The following OAS2 variants were observed in gnomAD, a reference collection of about 807,000 sequenced individuals.
OAS2 encodes 2'-5'-oligoadenylate synthase 2.
A neutral mutation model predicts 71.3 loss-of-function variants in OAS2; 67 were observed. The ratio of observed to expected loss-of-function variants is 0.94; its 90% CI spans 0.77 to 1.15. The LOEUF is 1.15. Ranked by LOEUF, OAS2 falls within the 50% of genes most tolerant of loss-of-function variation. The pLI, the probability that OAS2 is intolerant of heterozygous loss-of-function variation, is 0.00. For synonymous variants in OAS2, 327 were observed against 321.8 expected (o/e 1.02, Z -0.17); for missense variants, 789 against 822.5 (o/e 0.96, Z 0.50).
Position 113,004,873 on chromosome 12 carries a change from C to T in OAS2, c.1180-61C>T, listed in dbSNP as rs45472293. ...AGTTAGCCCAACTGGTGCCAGCCCA[C>T]GGGGGCACGGGACTCCTCGGTTAAG... On this transcript the variant is annotated intron_variant, in intron 6 of 9. Coordinates refer to ENST00000392583, the MANE Select transcript of OAS2 (RefSeq NM_002535.3). 1,554 of 1,563,764 alleles carry T rather than the reference C, an allele frequency of 9.9e-4. 17 individuals are homozygous for T. In the African/African-American group the frequency reaches 0.018, roughly 18 times the overall value.
chr12:113,009,875 A>G lies in OAS2; in HGVS notation c.*620A>G. 1 of 986,914 alleles carries G rather than the reference A, an allele frequency of 1.0e-6. No homozygotes were observed. The highest frequency in any genetic ancestry group is 1.2e-6 in the Non-Finnish European group (1 of 831,094). The allele number at this position is 986,914 out of a possible 1,614,324, so 61.1% of individuals were successfully genotyped here. On this transcript the variant is annotated 3_prime_UTR_variant, in exon 10 of 10. Transcript: ENST00000392583. Reference sequence around the variant, plus strand: ...CAAAGCCCTCCCTACCTACCAAGATATACCTGATATATTCCACCAGGATAT... The same window carrying G: ...CAAAGCCCTCCCTACCTACCAAGATGTACCTGATATATTCCACCAGGATAT...
chr12:112,978,891 T>A lies in OAS2; in HGVS notation c.177+106T>A. The A allele has an allele frequency of 1.9e-6, 2 of 1,066,636 alleles. No individual in the cohort carries two copies. The highest frequency in any genetic ancestry group is 2.7e-6 in the Non-Finnish European group (2 of 745,748). 66.1% of individuals were successfully genotyped at this position (1,066,636 alleles called of 1,614,324 possible). ...TGCCTATTATGTGCGAGGCCCACAC[T>A]TGGGTGGGATGTGGTGTAGGAGTCT... On this transcript the variant is annotated intron_variant, in intron 1 of 9. Coordinates refer to ENST00000392583, the MANE Select transcript of OAS2 (RefSeq NM_002535.3). The surrounding 1 kb of genome is among the most constrained non-coding windows in gnomAD (Gnocchi z 4.2).
chr12:113,007,618 GACTCA>G, intron 8 of OAS2, 82 bp from the exon 9 acceptor site: 1 of 1,057,376 alleles, frequency 9.5e-7, no homozygotes, highest in Non-Finnish European at 1.4e-6. Context: ...ACGACACTGT[GACTCA>G]GTTGCCTTGC....
At chr12:112,982,545 C>T (rs370274684) in intron 1 of OAS2, among the ~76,000 whole-genome samples, 3 of 151,824 alleles carry the variant, frequency 2.0e-5, no homozygotes, top group South Asian at 4.2e-4. Flanking sequence ...CATGTGTTAT[C>T]TTTTCGAAGT....
chr12:112,978,629 G>A lies in OAS2; in HGVS notation c.21G>A (p.Gln7=), dbSNP rs2044050000. The A allele has an allele frequency of 6.2e-7, 1 of 1,614,116 alleles. No homozygotes were observed. ...GAGCAATGGGAAATGGGGAGTCCCA[G>A]CTGTCCTCGGTGCCTGCTCAGAAGC... MGNGES[Q]LSSVPAQKLG... The change falls in exon 1 of 10, where the codon CAG becomes CAA. Residue 7 remains glutamine (Q), a synonymous_variant. Transcript: ENST00000392583. This position sits in a 1 kb window ranked among gnomAD's most constrained non-coding sequence, Gnocchi z 4.2.
At chr12:112,994,826 C>T (rs977709817) in intron 2 of OAS2, among the ~76,000 whole-genome samples, 3 of 152,156 alleles carry the variant, frequency 2.0e-5, no homozygotes, top group African/African-American at 7.2e-5. Context: ...TGCCACCTTG[C>T]CTGCCTCCTC....
intron 2 of OAS2, among the ~76,000 whole-genome samples, chr12:112,992,822 C>T (rs1033639073): frequency 3.9e-4 from 60 of 152,078 alleles, no homozygotes; most frequent in African/African-American, 1.3e-3. Context: ...GGGTGGGGGC[C>T]TGCTTCAAAC....
rs1237683187 is a variant in OAS2, at chr12:112,995,413, T to C, written c.566T>C (p.Phe189Ser). ...VCFTELQQKF[F>S]DNRPGKLKDL... ...TTCACTGAACTCCAGCAGAAGTTTT[T>C]TGACAACCGTCCTGGAAAACTAAAG... Residue 189 changes from phenylalanine (F) to serine (S), a missense_variant, in exon 3 of 10, where the codon TTT becomes TCT. Phe to Ser is a radical substitution (Grantham distance 155). Transcript: ENST00000392583. The C allele has an allele frequency of 6.2e-7, 1 of 1,614,188 alleles. No individual in the cohort carries two copies. The highest frequency in any genetic ancestry group is 1.3e-5 in the African/African-American group (1 of 75,048).
Position 112,985,256 on chromosome 12 carries a change from C to A in OAS2, c.178-1782C>A, listed in dbSNP as rs369144571. Among the ~76,000 whole-genome samples, 61 of 152,170 alleles carry A rather than the reference C, an allele frequency of 4.0e-4. 1 individual carries two copies. In the South Asian group the frequency reaches 0.013, roughly 32 times the overall value. ...TAAATAGATTTTCTATGCCTTTGCCCATCTCTTCTCCTAGATCTTTCCAAA... is the reference window on the plus strand; with the variant it reads ...TAAATAGATTTTCTATGCCTTTGCCAATCTCTTCTCCTAGATCTTTCCAAA... On this transcript the variant is annotated intron_variant, in intron 1 of 9. Coordinates refer to ENST00000392583, the MANE Select transcript of OAS2 (RefSeq NM_002535.3).
Position 113,007,704 on chromosome 12 carries a change from G to A in OAS2, c.1657-1G>A, listed in dbSNP as rs2044346567. On this transcript the variant is annotated splice_acceptor_variant, in intron 8 of 9. Transcript: ENST00000392583. LOFTEE classifies it high-confidence loss of function. ...CGTCTGATGTTCCCACTCTTACCTA[G>A]TGTGAAAGGAAACTGAAGCCAAAGG... The A allele has an allele frequency of 6.2e-7, 1 of 1,613,396 alleles. No individual in the cohort carries two copies.
In OAS2 at chr12:113,001,355, TA is replaced by T. The variant is rs1283119479; in HGVS notation, c.1009-1576del. ...TTACTTTTGCACCAACCAAAAAATA[TA>T]TATATACATATATATACACACACAC... On this transcript the variant is annotated intron_variant, in intron 5 of 9. Coordinates refer to ENST00000392583, the MANE Select transcript of OAS2 (RefSeq NM_002535.3). Among the ~76,000 whole-genome samples, 14 of 120,076 alleles carry T rather than the reference TA, an allele frequency of 1.2e-4. 1 individual carries two copies. In the Admixed American group the frequency reaches 1.3e-3, roughly 11 times the overall value. 78.8% of individuals were successfully genotyped at this position (120,076 alleles called of 152,430 possible).
In OAS2 at chr12:113,005,215, T is replaced by C. The variant is rs758633894; in HGVS notation, c.1461T>C (p.Asn487=). 11 of 1,613,412 alleles carry C rather than the reference T, an allele frequency of 6.8e-6. No homozygotes were observed. The highest frequency in any genetic ancestry group is 7.6e-6 in the Non-Finnish European group (9 of 1,179,558). The change falls in exon 7 of 10, where the codon AAT becomes AAC. Residue 487 remains asparagine, a synonymous_variant. Transcript: ENST00000392583. ...GCTTTGATGTGCTTCCTGCCTTTAA[T>C]GCACTGGGTAAGGCTCCCCAGACCT... ...SVSFDVLPAF[N]ALGQLSSGST...
Position 112,987,028 on chromosome 12 carries a change from T to A in OAS2, c.178-10T>A. On this transcript the variant is annotated splice_polypyrimidine_tract_variant and intron_variant, in intron 1 of 9. Coordinates refer to ENST00000392583, the MANE Select transcript of OAS2 (RefSeq NM_002535.3). ...CTAGTGTCTCATATCTGCTTCTTTG[T>A]CACTGGCAGGGTGGCTCCTATGGAC... 6.3e-7 allele frequency: 1 copy of A among 1,599,428 alleles called. No homozygotes were observed. Among genetic ancestry groups the A allele is most frequent in the Non-Finnish European group, 8.5e-7 (1 of 1,170,490 alleles).
intron 2 of OAS2, chr12:112,988,659 C>G (rs2044162993): frequency 1.0e-6 from 1 of 985,324 alleles, no homozygotes; most frequent in Non-Finnish European, 1.2e-6. Flanking sequence ...GTGAGCACAT[C>G]TGCACATTCC....
rs753513736 is a variant in OAS2, at chr12:113,004,920, C to T, written c.1180-14C>T. ...TAAGGAAATTCTGGATCTCAACCTT[C>T]CTTTCTTCCTTAGGGAGGATCAACC... On this transcript the variant is annotated splice_polypyrimidine_tract_variant and intron_variant, in intron 6 of 9. Transcript: ENST00000392583. 6.2e-7 allele frequency: 1 copy of T among 1,611,006 alleles called. No homozygotes were observed. The highest frequency in any genetic ancestry group is 8.5e-7 in the Non-Finnish European group (1 of 1,177,682).
intron 5 of OAS2, among the ~76,000 whole-genome samples, chr12:112,999,275 T>A (rs2136388889): frequency 6.6e-6 from 1 of 152,258 alleles, no homozygotes; most frequent in Middle Eastern, 3.4e-3. Context: ...AGTAAATCTG[T>A]CAACACAAAC....
intron 2 of OAS2, among the ~76,000 whole-genome samples, chr12:112,990,047 C>A (rs1161658971): frequency 6.6e-6 from 1 of 152,200 alleles, no homozygotes; most frequent in African/African-American, 2.4e-5. Flanking sequence ...CTCACTCCAC[C>A]CTGCAGCTGG....
intron 2 of OAS2, among the ~76,000 whole-genome samples, chr12:112,992,076 A>G (rs2044197433): frequency 6.7e-6 from 1 of 148,980 alleles, no homozygotes; most frequent in Non-Finnish European, 1.5e-5. Flanking sequence ...AGTCTCAAGT[A>G]CAGGTGCACA....
chr12:113,009,208 A>G lies in OAS2; in HGVS notation c.2017A>G (p.Thr673Ala), dbSNP rs1428681924. ...ATCCTCTCCCTGCTTCAAGGATGGGACTGGAAACCCAATACCACCTTGGAA... is the reference window on the plus strand; with the variant it reads ...ATCCTCTCCCTGCTTCAAGGATGGGGCTGGAAACCCAATACCACCTTGGAA... ...WLSSPCFKDG[T>A]GNPIPPWKVP... The change falls in exon 10 of 10, where the codon ACT becomes GCT. Residue 673 changes from threonine (T) to alanine (A), a missense_variant. Coordinates refer to ENST00000392583, the MANE Select transcript of OAS2 (RefSeq NM_002535.3). 4 of 1,614,034 alleles carry G rather than the reference A, an allele frequency of 2.5e-6. No individual in the cohort carries two copies. The highest frequency in any genetic ancestry group is 2.5e-6 in the Non-Finnish European group (3 of 1,180,012).
Sources: gnomAD v4.1 joint callset for allele counts (sites outside exome capture counted in the v4.1 genomes callset) on GRCh38, gnomAD v4.1.1 for gene constraint, Gnocchi (gnomAD v3.1) non-coding constraint, MANE v1.5 for transcripts, NCBI Gene and HGNC (gene_info 2026-07-23, HGNC 2026-07-21) for gene names.